CATSPERE: variants seen among roughly 807,000 people sequenced by gnomAD.
CATSPERE encodes the protein catsper channel auxiliary subunit epsilon.
A neutral mutation model predicts 114.1 loss-of-function variants in CATSPERE; 93 were observed. The ratio of observed to expected loss-of-function variants is 0.81; its 90% CI spans 0.69 to 0.97. The LOEUF (loss-of-function observed/expected upper bound fraction) is 0.97, where lower values mean the gene tolerates loss of function less well. Among genes scored for constraint, CATSPERE ranks in the 50% least tolerant of loss-of-function variants. CATSPERE has a pLI of 0.00. For synonymous variants in CATSPERE, 341 were observed against 384.1 expected, an observed-to-expected ratio of 0.89 and a Z score of 1.31; for missense variants, 1,058 against 1,131.6, an observed-to-expected ratio of 0.93 and a Z score of 0.93.
chr1:244,621,445 T>A (rs1408243724), intron 20 of CATSPERE, among the ~76,000 whole-genome samples: 1 of 149,792 alleles, frequency 6.7e-6, no homozygotes, highest in Non-Finnish European at 1.5e-5. Flanking sequence ...GCCAAAAATT[T>A]AAAGTGGCCC....
In CATSPERE at chr1:244,584,431, G is replaced by T. The variant is rs536400213; in HGVS notation, c.2085+492G>T. 3.3e-5 allele frequency among the ~76,000 whole-genome samples: 5 copies of T among 152,146 alleles called. No individual in the cohort carries two copies. The East Asian group carries it at 9.6e-4, about 29-fold the overall frequency. Reference sequence around the variant, plus strand: ...AGGGATACACAAAACGACCAGTGATGAATAGGTAGAAGTTCAGCAGGCAGG... The same window carrying T: ...AGGGATACACAAAACGACCAGTGATTAATAGGTAGAAGTTCAGCAGGCAGG... On this transcript the variant is annotated intron_variant, in intron 13 of 21. Transcript: ENST00000366534.
chr1:244,569,121 G>C (rs535641534), intron 10 of CATSPERE, among the ~76,000 whole-genome samples: 2 of 149,324 alleles, frequency 1.3e-5, no homozygotes, highest in East Asian at 1.9e-4. Context: ...GGGATACCAT[G>C]GGTTCCTTAT....
chr1:244,477,888 C>T lies in CATSPERE; in HGVS notation c.189-18C>T. The T allele has an allele frequency of 6.3e-7, 1 of 1,582,324 alleles. No homozygotes were observed. Among genetic ancestry groups the T allele is most frequent in the Non-Finnish European group, 8.7e-7 (1 of 1,154,954 alleles). On this transcript the variant is annotated intron_variant, in intron 3 of 21. Transcript: ENST00000366534. The stretch of plus-strand genomic sequence containing the variant: ...ATATGCACCTATAATTATTCTTTCT[C>T]ATCTTTTTAAACACTAGCTCACCCA...
chr1:244,635,452 T>C (rs1358950903), intron 20 of CATSPERE, 37 bp from the exon 21 acceptor site: 6 of 1,455,200 alleles, frequency 4.1e-6, no homozygotes, highest in Non-Finnish European at 5.8e-6. Context: ...TATATTGTAC[T>C]TAGTGTAATC....
At chr1:244,595,039 G>T (rs572190630) in intron 17 of CATSPERE, among the ~76,000 whole-genome samples, 2 of 152,070 alleles carry the variant, frequency 1.3e-5, no homozygotes, top group South Asian at 4.1e-4. Context: ...TTGTGTTTTC[G>T]TGTTTGTTTA....
At chr1:244,557,091 T>C (rs1183365686) in intron 9 of CATSPERE, among the ~76,000 whole-genome samples, 1 of 152,184 alleles carries the variant, frequency 6.6e-6, no homozygotes, top group Non-Finnish European at 1.5e-5. Flanking sequence ...GTGTCTATTT[T>C]TCAGCAAGTA....
At chr1:244,548,853 C>T (rs1457871345) in intron 8 of CATSPERE, among the ~76,000 whole-genome samples, 1 of 152,164 alleles carries the variant, frequency 6.6e-6, no homozygotes, top group Non-Finnish European at 1.5e-5. Flanking sequence ...TTCTCAACTC[C>T]AGGAGTCTGG....
chr1:244,498,414 A>G (rs1474089742), intron 6 of CATSPERE, among the ~76,000 whole-genome samples: 1 of 152,240 alleles, frequency 6.6e-6, no homozygotes, highest in Non-Finnish European at 1.5e-5. Flanking sequence ...ACAGGGTGGG[A>G]GAGACAGCTT....
At position 244,605,273 on chromosome 1, in the gene CATSPERE, C is replaced by G. The variant is rs77029694; in HGVS notation, c.2304-422C>G. Among the ~76,000 whole-genome samples the G allele has an allele frequency of 1.9e-3, 289 of 152,310 alleles. 2 individuals are homozygous for G. Among genetic ancestry groups the G allele is most frequent in the Middle Eastern group, 0.014 (4 of 294 alleles). ...GCTGTGCCCTTGCTCTGCCCTTTCT[C>G]CATCCATCACATCCTTCCGTCTTTC... On this transcript the variant is annotated intron_variant, in intron 17 of 21. Coordinates refer to ENST00000366534, the MANE Select transcript of CATSPERE (RefSeq NM_001130957.2).
chr1:244,545,210 A>G (rs551693785), intron 8 of CATSPERE, among the ~76,000 whole-genome samples: 17 of 152,332 alleles, frequency 1.1e-4, no homozygotes, highest in African/African-American at 4.1e-4. Context: ...CTTGCAGTCC[A>G]GTGGCATGAG....
intron 20 of CATSPERE, among the ~76,000 whole-genome samples, chr1:244,624,223 G>A (rs190534759): frequency 0.014 from 2,010 of 148,232 alleles, 25 homozygotes; most frequent in Non-Finnish European, 0.022. Context: ...CGCCCACCTC[G>A]GCCTCCCAAC....
At chr1:244,525,298 A>G (rs1678372858) in intron 8 of CATSPERE, among the ~76,000 whole-genome samples, 1 of 136,186 alleles carries the variant, frequency 7.3e-6, no homozygotes, top group Non-Finnish European at 1.5e-5. Context: ...ATGAGAACAC[A>G]TGGACACAGG....
intron 17 of CATSPERE, 78 bp downstream of exon 17, chr1:244,593,656 A>G: frequency 4.3e-6 from 5 of 1,165,160 alleles, no homozygotes; most frequent in South Asian, 1.3e-5. Context: ...CTAATTGATC[A>G]TGCATCTAAC....
At chr1:244,553,139 A>G (rs10927250) in intron 9 of CATSPERE, among the ~76,000 whole-genome samples, 18,760 of 152,214 alleles carry the variant, frequency 0.12, 1,956 homozygotes, top group African/African-American at 0.28. Flanking sequence ...ATGAATAATG[A>G]GTTTTTGTTA....
intron 3 of CATSPERE, 99 bp from the exon 4 acceptor site, chr1:244,477,807 A>G (rs1040799464): frequency 1.8e-5 from 18 of 1,026,826 alleles, no homozygotes; most frequent in Non-Finnish European, 2.5e-5. Context: ...ATCTCTTATC[A>G]GCATACAATT....
At chr1:244,585,016 A>G (rs902344188) in intron 13 of CATSPERE, among the ~76,000 whole-genome samples, 2 of 152,140 alleles carry the variant, frequency 1.3e-5, no homozygotes, top group African/African-American at 4.8e-5. Context: ...CTCTTCCTTT[A>G]TGGATGCCTT....
intron 2 of CATSPERE, among the ~76,000 whole-genome samples, chr1:244,469,595 A>G (rs1668141374): frequency 6.6e-6 from 1 of 152,198 alleles, no homozygotes; most frequent in African/African-American, 2.4e-5. Flanking sequence ...AACTATTTCT[A>G]TTTGCAGACG....
intron 20 of CATSPERE, among the ~76,000 whole-genome samples, chr1:244,629,231 T>C (rs1348561368): frequency 6.6e-6 from 1 of 152,186 alleles, no homozygotes. Context: ...TGTTAGGTCA[T>C]AAGAGTCAGA....
At chr1:244,482,696 A>G (rs114644356) in intron 5 of CATSPERE, among the ~76,000 whole-genome samples, 1,744 of 152,330 alleles carry the variant, frequency 0.011, 39 homozygotes, top group African/African-American at 0.04. Context: ...CAGTACCCAC[A>G]TATGCATTAC....
Sources: gnomAD v4.1 joint callset for allele counts (sites outside exome capture counted in the v4.1 genomes callset) on GRCh38, gnomAD v4.1.1 for gene constraint, MANE v1.5 for transcripts, NCBI Gene and HGNC (gene_info 2026-07-23, HGNC 2026-07-21) for gene names.